SYNGR1: variants seen among roughly 807,000 people sequenced by gnomAD.
The protein encoded by SYNGR1 is synaptogyrin 1, also known as synaptogyrin-1.
SYNGR1 carries 14 observed loss-of-function variants against 26.1 expected under a neutral mutation model. That is an observed-to-expected ratio of 0.54 (90% CI 0.35 to 0.84). The LOEUF (loss-of-function observed/expected upper bound fraction) is 0.84. SYNGR1 is among the 40% of genes least tolerant of loss of function. SYNGR1 has a pLI of 0.01. For missense variants in SYNGR1, 319 were observed against 332.9 expected (o/e 0.96, Z 0.33); for synonymous variants, 141 against 150.1 (o/e 0.94, Z 0.44).
At chr22:39,352,269 C>A (rs144264763) in intron 1 of SYNGR1, among the ~76,000 whole-genome samples, 3 of 152,334 alleles carry the variant, frequency 2.0e-5, no homozygotes, top group Non-Finnish European at 4.4e-5. Context: ...CACGTGGATA[C>A]AAGGCGCTCA....
At chr22:39,365,507 C>A (rs576553841) in intron 1 of SYNGR1, among the ~76,000 whole-genome samples, 17 of 152,296 alleles carry the variant, frequency 1.1e-4, no homozygotes, top group African/African-American at 3.8e-4. Flanking sequence ...TGCTCCTCCT[C>A]CCATGTACTG....
rs185536828 is a variant in SYNGR1, at chr22:39,354,965, C to T, written c.99+4856C>T. Reference sequence around the variant, plus strand: ...GGCCACAGGAAAATTCTGGGACCAGCGGTTGTTGGGGAAGAGGGTCCAGGG... The same window carrying T: ...GGCCACAGGAAAATTCTGGGACCAGTGGTTGTTGGGGAAGAGGGTCCAGGG... On this transcript the variant is annotated intron_variant, in intron 1 of 3. Transcript: ENST00000328933. 8.8e-4 allele frequency among the ~76,000 whole-genome samples: 134 copies of T among 152,238 alleles called. 1 individual carries two copies. Among genetic ancestry groups the T allele is most frequent in the African/African-American group, 3.0e-3 (126 of 41,542 alleles).
chr22:39,377,411 G>A (rs756872287), intron 3 of SYNGR1: 94 of 985,310 alleles, frequency 9.5e-5, no homozygotes, highest in Admixed American at 1.8e-4. Flanking sequence ...TGCCCCAGAA[G>A]TGGGGACCAC....
intron 1 of SYNGR1, among the ~76,000 whole-genome samples, chr22:39,360,581 G>A (rs373459158): frequency 3.9e-5 from 6 of 151,966 alleles, no homozygotes; most frequent in African/African-American, 7.3e-5. Context: ...CCCTCACCCC[G>A]CTCGCCGCAG....
In SYNGR1 at chr22:39,350,947, T is replaced by TG. The variant is rs571232816; in HGVS notation, c.99+844dup. On this transcript the variant is annotated intron_variant, in intron 1 of 3. Transcript: ENST00000328933. The surrounding 1 kb of genome is among the most constrained non-coding windows in gnomAD (Gnocchi z 4.3). ...AGGCCAGGGTGGCCTCCAGCCTAGC[T>TG]GGGGGGCAGGGTCCTCAGTGCAGAG... Among the ~76,000 whole-genome samples the TG allele has an allele frequency of 4.8e-4, 73 of 152,234 alleles. No homozygotes were observed. The South Asian group carries it at 0.011, about 23-fold the overall frequency.
chr22:39,367,977 A>G (rs1421290620), intron 1 of SYNGR1, among the ~76,000 whole-genome samples: 2 of 151,844 alleles, frequency 1.3e-5, no homozygotes, highest in African/African-American at 4.8e-5. Context: ...CAGCCTTTGC[A>G]CTTTCTGTTC....
At chr22:39,375,622 G>A (rs1925243031) in intron 2 of SYNGR1, 1 of 463,330 alleles carries the variant, frequency 2.2e-6, no homozygotes, top group Admixed American at 3.9e-5. Context: ...CCTGAGGGTT[G>A]GGGTCTTCCT....
intron 1 of SYNGR1, among the ~76,000 whole-genome samples, chr22:39,353,484 A>G (rs1924008562): frequency 6.6e-6 from 1 of 152,162 alleles, no homozygotes; most frequent in South Asian, 2.1e-4. Context: ...TGCATCCGGC[A>G]TGGCTTGTCT....
chr22:39,384,796 A>C lies in SYNGR1; in HGVS notation c.*2882A>C, dbSNP rs1197897570. ...GGCCCAGGAAAAAAGGTTTCACATA[A>C]GTGTAGAGTCGCAAGGACGCTTAGA... On this transcript the variant is annotated 3_prime_UTR_variant, in exon 4 of 4. Transcript: ENST00000328933. 5.0e-6 allele frequency: 2 copies of C among 398,912 alleles called. No individual in the cohort carries two copies. Among genetic ancestry groups the C allele is most frequent in the Non-Finnish European group, 8.8e-6 (2 of 226,086 alleles). 24.7% of individuals were successfully genotyped at this position (398,912 alleles called of 1,614,324 possible).
chr22:39,380,616 CTTTT>C lies in SYNGR1; in HGVS notation c.484-1059_484-1056del, dbSNP rs58877789. On this transcript the variant is annotated intron_variant, in intron 3 of 3. Transcript: ENST00000328933. ...GTCTTGCTATGTTGCCCAAGCTGGC[CTTTT>C]TTTTTTTTTTTTTTTTTTTTGAGAC... Among the ~76,000 whole-genome samples, 507 of 69,946 alleles carry C rather than the reference CTTTT, an allele frequency of 7.2e-3. 5 individuals are homozygous for C. The highest frequency in any genetic ancestry group is 0.035 in the African/African-American group (491 of 13,838). The allele number at this position is 69,946 out of a possible 152,430, so 45.9% of individuals were successfully genotyped here. A position where few individuals can be genotyped will look rare whatever the true frequency, so the allele number is the denominator to read the frequency against.
At chr22:39,354,291 C>A (rs1924049690) in intron 1 of SYNGR1, among the ~76,000 whole-genome samples, 1 of 152,200 alleles carries the variant, frequency 6.6e-6, no homozygotes, top group African/African-American at 2.4e-5. Context: ...GGGTGGGTAT[C>A]TTCCCCCCGT....
Position 39,384,461 on chromosome 22 carries a change from C to T in SYNGR1, c.*2547C>T, listed in dbSNP as rs1925595692. ...AGAAGCCCTTCCAGGCATGATCTTC[C>T]CCATCAGGCTGGGCTCTGGCAGGGA... is the stretch of plus-strand genomic sequence containing the variant. On this transcript the variant is annotated 3_prime_UTR_variant, in exon 4 of 4. Transcript: ENST00000328933. 2.5e-6 allele frequency: 1 copy of T among 398,530 alleles called. No individual in the cohort carries two copies. The highest frequency in any genetic ancestry group is 4.4e-6 in the Non-Finnish European group (1 of 226,054). 24.7% of individuals were successfully genotyped at this position (398,530 alleles called of 1,614,324 possible). A position where few individuals can be genotyped will look rare whatever the true frequency, so the allele number is the denominator to read the frequency against.
intron 3 of SYNGR1, 21 bp downstream of exon 3, chr22:39,376,218 C>T (rs1171836334): frequency 1.2e-6 from 2 of 1,613,856 alleles, no homozygotes; most frequent in South Asian, 2.2e-5. Flanking sequence ...CCACCGCGCA[C>T]CAGCCCACAC....
intron 1 of SYNGR1, among the ~76,000 whole-genome samples, chr22:39,358,787 A>T (rs957075420): frequency 3.3e-5 from 5 of 152,000 alleles, no homozygotes; most frequent in African/African-American, 1.2e-4. Flanking sequence ...CCAATTCCGG[A>T]CACAAGAGCA....
At chr22:39,381,614 C>A in intron 3 of SYNGR1, 82 bp from the exon 4 acceptor site, 1 of 1,435,366 alleles carries the variant, frequency 7.0e-7, no homozygotes, top group Non-Finnish European at 9.8e-7. Context: ...GAACTAACCA[C>A]CACTAACCCA....
chr22:39,382,582 A>C lies in SYNGR1; in HGVS notation c.*668A>C, dbSNP rs933826048. 1.3e-5 allele frequency: 2 copies of C among 154,870 alleles called. No homozygotes were observed. Among genetic ancestry groups the C allele is most frequent in the African/African-American group, 2.4e-5 (1 of 41,416 alleles). The allele number at this position is 154,870 out of a possible 1,614,324, so 9.6% of individuals were successfully genotyped here. On this transcript the variant is annotated 3_prime_UTR_variant, in exon 4 of 4. Transcript: ENST00000328933. ...ACCACGTGCTCTTCCCTGGCCACCC[A>C]CCTCCTACCATCCCCACGCTTGGGG...
rs749394764 is a variant in SYNGR1, at chr22:39,376,186, A to G, written c.472A>G (p.Ile158Val). 1.1e-5 allele frequency: 17 copies of G among 1,613,886 alleles called. No homozygotes were observed. The highest frequency in any genetic ancestry group is 2.2e-5 in the East Asian group (1 of 44,838). The change falls in exon 3 of 4, where the codon ATC (isoleucine) becomes GTC (valine). Residue 158 changes from isoleucine (I) to valine (V), a missense_variant. Coordinates refer to ENST00000328933, the MANE Select transcript of SYNGR1 (RefSeq NM_004711.5). ...RAAIAFSFFSIFTWAGQAVLA... is the reference protein window; with the variant it reads ...RAAIAFSFFSVFTWAGQAVLA... ...CGCCATCGCCTTCTCCTTTTTCTCCATCTTCACCTGGGTGAGTACAGCCAC... is the reference window on the plus strand; with the variant it reads ...CGCCATCGCCTTCTCCTTTTTCTCCGTCTTCACCTGGGTGAGTACAGCCAC...
At chr22:39,376,976 G>A (rs1879226735) in intron 3 of SYNGR1, 4 of 1,550,326 alleles carry the variant, frequency 2.6e-6, no homozygotes, top group African/African-American at 1.4e-5. Flanking sequence ...ACTGGTCTGG[G>A]TCATGTCTGT....
At chr22:39,372,970 A>G (rs1177100288) in intron 1 of SYNGR1, among the ~76,000 whole-genome samples, 2 of 152,138 alleles carry the variant, frequency 1.3e-5, no homozygotes, top group African/African-American at 4.8e-5. Flanking sequence ...GAGGACGAGC[A>G]AGATGGAGGC....
Sources: gnomAD v4.1 joint callset for allele counts (sites outside exome capture counted in the v4.1 genomes callset) on GRCh38, gnomAD v4.1.1 for gene constraint, Gnocchi (gnomAD v3.1) non-coding constraint, MANE v1.5 for transcripts, NCBI Gene and HGNC (gene_info 2026-07-23, HGNC 2026-07-21) for gene names.